Variants in ATF3 observed in about 807,000 individuals in gnomAD.
ATF3 encodes the protein cyclic AMP-dependent transcription factor ATF-3.
A neutral mutation model predicts 18.4 loss-of-function variants in ATF3; 10 were observed. The observed-to-expected ratio is 0.54, with a 90% CI of 0.34 to 0.92. The LOEUF (loss-of-function observed/expected upper bound fraction) is 0.92. Ranked by LOEUF, ATF3 falls within the 40% of genes least tolerant of loss-of-function variation. The pLI is 0.02. For synonymous variants in ATF3, 78 were observed against 87.9 expected, an observed-to-expected ratio of 0.89 and a Z score of 0.63; for missense variants, 183 against 222.3, an observed-to-expected ratio of 0.82 and a Z score of 1.12.
chr1:212,617,268 A>G (rs1438792855), intron 2 of ATF3, among the ~76,000 whole-genome samples: 1 of 152,150 alleles, frequency 6.6e-6, no homozygotes, highest in Non-Finnish European at 1.5e-5. Flanking sequence ...TCTGTCTGAC[A>G]CACTTGCACT....
chr1:212,591,135 C>T (rs4951622), intron 1 of ATF3, among the ~76,000 whole-genome samples: 40,970 of 151,950 alleles, frequency 0.27, 6,149 homozygotes, highest in African/African-American at 0.41. Context: ...CTCCTTTATG[C>T]TTCCATATCT....
chr1:212,614,996 T>C, intron 1 of ATF3, 22 bp from the exon 2 acceptor site: 3 of 1,614,116 alleles, frequency 1.9e-6, no homozygotes, highest in Non-Finnish European at 2.5e-6. Flanking sequence ...TGAAACAGTT[T>C]GGGTTTCAAT....
chr1:212,606,921 G>C (rs1654642515), upstream of ATF3, among the ~76,000 whole-genome samples: 1 of 152,172 alleles, frequency 6.6e-6, no homozygotes, highest in Non-Finnish European at 1.5e-5. Context: ...TGAGGGCGTG[G>C]AAGCGGAGGG....
intron 1 of ATF3, among the ~76,000 whole-genome samples, chr1:212,574,717 T>G (rs779224533): frequency 9.9e-5 from 15 of 152,154 alleles, no homozygotes; most frequent in Non-Finnish European, 1.5e-4. Context: ...TAATTTAACT[T>G]ACTCCCATAT....
intron 1 of ATF3, among the ~76,000 whole-genome samples, chr1:212,598,475 T>C (rs1377968756): frequency 6.6e-6 from 1 of 152,266 alleles, no homozygotes; most frequent in Non-Finnish European, 1.5e-5. Context: ...AATCCAATTA[T>C]ACTCTTCTAG....
chr1:212,568,288 T>G (rs1388085996), intron 1 of ATF3, among the ~76,000 whole-genome samples: 3 of 152,242 alleles, frequency 2.0e-5, no homozygotes, highest in Admixed American at 1.3e-4. Context: ...GTTATTATTT[T>G]GGGGCTACCA....
At chr1:212,584,619 A>G (rs1032141598) in intron 1 of ATF3, among the ~76,000 whole-genome samples, 4 of 152,134 alleles carry the variant, frequency 2.6e-5, no homozygotes, top group African/African-American at 9.7e-5. Flanking sequence ...GCTTCCCTTG[A>G]TCCATCAGTT....
At chr1:212,568,043 T>C (rs1664414962) in intron 1 of ATF3, among the ~76,000 whole-genome samples, 2 of 152,230 alleles carry the variant, frequency 1.3e-5, no homozygotes, top group African/African-American at 4.8e-5. Flanking sequence ...CCGACTATTA[T>C]AGCCCCAGTT....
In ATF3 at chr1:212,586,902, G is replaced by T. The variant is rs544492803; in HGVS notation, c.-5+21419G>T. Among the ~76,000 whole-genome samples, 8 of 152,284 alleles carry T rather than the reference G, an allele frequency of 5.3e-5. No homozygotes were observed. The East Asian group carries it at 1.5e-3, about 29-fold the overall frequency. ...CTCAGTTTCACCCAAGTCCCTGCAGGGCCCTGGGGAAAGTACAATGAGCAG... is the reference window on the plus strand; with the variant it reads ...CTCAGTTTCACCCAAGTCCCTGCAGTGCCCTGGGGAAAGTACAATGAGCAG... On this transcript the variant is annotated intron_variant, in intron 1 of 3. Transcript: ENST00000366981.
At position 212,608,886 on chromosome 1, in the gene ATF3, GCCCGACCCCGT is replaced by G. The variant is rs1654751859; in HGVS notation, c.-40_-30del. The G allele has an allele frequency of 6.6e-6, 1 of 152,604 alleles. No individual in the cohort carries two copies. The highest frequency in any genetic ancestry group is 2.4e-5 in the African/African-American group (1 of 41,410). 9.5% of individuals were successfully genotyped at this position (152,604 alleles called of 1,614,324 possible). A position where few individuals can be genotyped will look rare whatever the true frequency, so the allele number is the denominator to read the frequency against. ...CGCCCGCCGGCCAGACAAACAGCCC[GCCCGACCCCGT>G]CCCGACCCTGGCCGCCCCGAGCGGA... On this transcript the variant is annotated 5_prime_UTR_variant, in exon 1 of 4. Transcript: ENST00000341491.
At chr1:212,567,977 C>A (rs1664413286) in intron 1 of ATF3, among the ~76,000 whole-genome samples, 1 of 152,214 alleles carries the variant, frequency 6.6e-6, no homozygotes, top group Non-Finnish European at 1.5e-5. Flanking sequence ...ATAACACTTT[C>A]TTTGCCTATG....
At position 212,619,593 on chromosome 1, in the gene ATF3, GA is replaced by G. The variant is rs748585264; in HGVS notation, c.*40del. On this transcript the variant is annotated 3_prime_UTR_variant, in exon 4 of 4. Coordinates refer to ENST00000341491, the MANE Select transcript of ATF3 (RefSeq NM_001674.4). The surrounding 1 kb of genome is among the most constrained non-coding windows in gnomAD (Gnocchi z 4.4). Reference sequence around the variant, plus strand: ...TGGGGGCGACTGGGGAGTCCTCATTGAATCCTCATTTTATACCCAAAACCCT... The same window carrying G: ...TGGGGGCGACTGGGGAGTCCTCATTGATCCTCATTTTATACCCAAAACCCT... 59 of 1,609,906 alleles carry G rather than the reference GA, an allele frequency of 3.7e-5. No individual in the cohort carries two copies. The highest frequency in any genetic ancestry group is 4.9e-5 in the Non-Finnish European group (58 of 1,178,014).
chr1:212,619,081 A>G lies in ATF3; in HGVS notation c.349-277A>G. The G allele has an allele frequency of 2.5e-6, 4 of 1,614,146 alleles. No homozygotes were observed. Among genetic ancestry groups the G allele is most frequent in the Non-Finnish European group, 3.4e-6 (4 of 1,180,014 alleles). ...CCTTTTGGGTCCAGAAGACCTGCATATGGGCTGTTGACTCATGCAAATGAG... is the reference window on the plus strand; with the variant it reads ...CCTTTTGGGTCCAGAAGACCTGCATGTGGGCTGTTGACTCATGCAAATGAG... On this transcript the variant is annotated intron_variant, in intron 3 of 3. Transcript: ENST00000341491. The surrounding 1 kb of genome is among the most constrained non-coding windows in gnomAD (Gnocchi z 4.4).
intron 1 of ATF3, among the ~76,000 whole-genome samples, chr1:212,596,613 G>A (rs11119986): frequency 0.064 from 9,760 of 152,296 alleles, 411 homozygotes; most frequent in East Asian, 0.2. Context: ...GCTGTGGGGG[G>A]TGTGAAAGTT....
Position 212,581,743 on chromosome 1 carries a change from A to G in ATF3, c.-5+16260A>G, listed in dbSNP as rs1664688567. Among the ~76,000 whole-genome samples, 3 of 152,340 alleles carry G rather than the reference A, an allele frequency of 2.0e-5. No homozygotes were observed. The South Asian group carries it at 6.2e-4, about 32-fold the overall frequency. ...CTCAGTACCCAGAGACATACTTAAT[A>G]TATACATGTGAAATATCTTACACAC... On this transcript the variant is annotated intron_variant, in intron 1 of 3. Transcript: ENST00000366981.
At position 212,615,178 on chromosome 1, in the gene ATF3, C is replaced by G; in HGVS notation, c.157C>G (p.His53Asp). The change falls in exon 2 of 4, where the codon CAC (histidine) becomes GAC (aspartate). Residue 53 changes from histidine (H) to aspartate (D), a missense_variant. By Grantham distance (81) the His-to-Asp change is moderately conservative. Transcript: ENST00000341491. The stretch of plus-strand genomic sequence containing the variant: ...GCTGAGGTTTGCCATCCAGAACAAG[C>G]ACCTCTGCCACCGGATGTCCTCTGC... ...EELRFAIQNK[H>D]LCHRMSSALE... 1 of 1,614,198 alleles carries G rather than the reference C, an allele frequency of 6.2e-7. No individual in the cohort carries two copies. The highest frequency in any genetic ancestry group is 1.1e-5 in the South Asian group (1 of 91,084).
chr1:212,618,773 G>A lies in ATF3; in HGVS notation c.348+539G>A. On this transcript the variant is annotated intron_variant, in intron 3 of 3. Coordinates refer to ENST00000341491, the MANE Select transcript of ATF3 (RefSeq NM_001674.4). This position sits in a 1 kb window ranked among gnomAD's most constrained non-coding sequence, Gnocchi z 4.4. ...AGCCGGCCCGCCTGAGAGACACTAGGGGAAATAGCTTTTGTGGGCAAGCAG... is the reference window on the plus strand; with the variant it reads ...AGCCGGCCCGCCTGAGAGACACTAGAGGAAATAGCTTTTGTGGGCAAGCAG... 3.7e-6 allele frequency: 2 copies of A among 545,714 alleles called. No individual in the cohort carries two copies. The highest frequency in any genetic ancestry group is 3.3e-6 in the Non-Finnish European group (1 of 304,646). The allele number at this position is 545,714 out of a possible 1,614,324, so 33.8% of individuals were successfully genotyped here. A position where few individuals can be genotyped will look rare whatever the true frequency, so the allele number is the denominator to read the frequency against.
intron 1 of ATF3, among the ~76,000 whole-genome samples, chr1:212,565,984 G>T (rs1664375786): frequency 6.6e-6 from 1 of 152,178 alleles, no homozygotes; most frequent in African/African-American, 2.4e-5. Flanking sequence ...TTTGGGAATA[G>T]AATGCTTTGT....
At chr1:212,569,362 A>G (rs1664439501) in intron 1 of ATF3, among the ~76,000 whole-genome samples, 1 of 152,222 alleles carries the variant, frequency 6.6e-6, no homozygotes, top group Non-Finnish European at 1.5e-5. Flanking sequence ...TAATAGTGGC[A>G]ATACTTTTTC....
Sources: gnomAD v4.1 joint callset for allele counts (sites outside exome capture counted in the v4.1 genomes callset) on GRCh38, gnomAD v4.1.1 for gene constraint, Gnocchi (gnomAD v3.1) non-coding constraint, MANE v1.5 for transcripts, NCBI Gene and HGNC (gene_info 2026-07-23, HGNC 2026-07-21) for gene names.